Variants in OR8B2 observed in about 807,000 individuals in gnomAD.
OR8B2 encodes olfactory receptor family 8 subfamily B member 2, also known as olfactory receptor 8B2.
For missense variants in OR8B2, 304 were observed against 379.6 expected, an observed-to-expected ratio of 0.80 and a Z score of 1.65; for synonymous variants, 98 against 138.2, an observed-to-expected ratio of 0.71 and a Z score of 2.04.
upstream of OR8B2, among the ~76,000 whole-genome samples, chr11:124,385,601 ATTCT>A (rs1390210681): frequency 6.8e-6 from 1 of 146,940 alleles, no homozygotes; most frequent in African/African-American, 2.5e-5. Flanking sequence ...AGGATACAGA[ATTCT>A]TTCTTTTTTT....
chr11:124,385,496 G>A (rs940246017), upstream of OR8B2, among the ~76,000 whole-genome samples: 1 of 11,846 alleles, frequency 8.4e-5, no homozygotes, highest in Middle Eastern at 0.083. Context: ...ACATGCGTGT[G>A]TGTGTGTGTG....
At chr11:124,396,553 T>G in the OR8B2 span, 1 of 1,613,672 alleles carries the variant, frequency 6.2e-7, no homozygotes, top group South Asian at 1.1e-5. Context: ...CCCTGCTCCA[T>G]AGATCCAGAA....
At chr11:124,385,035 GAAAAGA>G (rs1353681028), upstream of OR8B2, among the ~76,000 whole-genome samples, 1 of 151,980 alleles carries the variant, frequency 6.6e-6, no homozygotes, top group Non-Finnish European at 1.5e-5. Context: ...TAGGCAAAAA[GAAAAGA>G]AAAAGAATAA....
the OR8B2 span, among the ~76,000 whole-genome samples, chr11:124,391,862 A>C: frequency 6.6e-6 from 1 of 150,782 alleles, no homozygotes; most frequent in East Asian, 1.9e-4. Flanking sequence ...AAAAATCCTC[A>C]ATAAAATACT....
At chr11:124,384,061 T>G (rs1860654730) in intron 1 of OR8B2, among the ~76,000 whole-genome samples, 1 of 152,188 alleles carries the variant, frequency 6.6e-6, no homozygotes, top group African/African-American at 2.4e-5. Flanking sequence ...GTTGTTAAGT[T>G]TGTAAAATTT....
At chr11:124,396,791 A>G in the OR8B2 span, 3 of 1,612,472 alleles carry the variant, frequency 1.9e-6, no homozygotes, top group Non-Finnish European at 2.5e-6. Flanking sequence ...TGGTGCAGGA[A>G]AGCTGGAGGA....
chr11:124,382,519 A>C lies in OR8B2; in HGVS notation c.825T>G (p.Val275=), dbSNP rs147760521. Residue 275 remains valine (V), a synonymous_variant, in exon 2 of 2, where the codon GTT becomes GTG. Coordinates refer to ENST00000641451, the MANE Select transcript of OR8B2 (RefSeq NM_001005468.2). ...GSMEQGKVSS[V]FYTNVVPMLN... is the part of the protein sequence containing the mutation. The stretch of plus-strand genomic sequence containing the variant: ...GCATGGGCACCACATTAGTGTAGAA[A>C]ACAGAAGAAACTTTTCCCTGCTCCA... 13 of 1,613,818 alleles carry C rather than the reference A, an allele frequency of 8.1e-6. No individual in the cohort carries two copies. The African/African-American group carries it at 1.7e-4, about 22-fold the overall frequency.
chr11:124,382,829 T>C lies in OR8B2; in HGVS notation c.515A>G (p.Asn172Ser). The change falls in exon 2 of 2, where the codon AAT (asparagine) becomes AGT (serine). Residue 172 changes from asparagine (N) to serine (S), a missense_variant. Coordinates refer to ENST00000641451, the MANE Select transcript of OR8B2 (RefSeq NM_001005468.2). ...GTCACACAAGTAATGGTTGATGATA[T>C]TAGCACTGCAGAAGGTGAGTCTAAG... Reference protein sequence around the residue: ...CMLRLTFCSANIINHYLCDIL... With the variant: ...CMLRLTFCSASIINHYLCDIL... The C allele has an allele frequency of 6.2e-7, 1 of 1,604,124 alleles. No homozygotes were observed. The highest frequency in any genetic ancestry group is 8.5e-7 in the Non-Finnish European group (1 of 1,172,038).
upstream of OR8B2, among the ~76,000 whole-genome samples, chr11:124,389,041 G>T (rs1406817800): frequency 2.0e-5 from 3 of 151,936 alleles, no homozygotes; most frequent in Non-Finnish European, 2.9e-5. Flanking sequence ...GGACAGGATG[G>T]TCTCAATCTC....
the OR8B2 span, among the ~76,000 whole-genome samples, chr11:124,392,679 C>T: frequency 1.1e-3 from 149 of 134,968 alleles, 1 homozygote; most frequent in African/African-American, 4.1e-3. Context: ...GTGAAAATGG[C>T]CATACTGCCC....
rs2320234 is a variant in OR8B2 at position 124,383,023 on chromosome 11, G to A, written c.321C>T (p.Phe107=). Reference sequence around the variant, plus strand: ...TCAACATGTAACATTCAGAGATGACGAAAAAGAGAAAGAAAAACAGCCGAG... The same window carrying A: ...TCAACATGTAACATTCAGAGATGACAAAAAAGAGAAAGAAAAACAGCCGAG... ...CMTRLFFFLF[F]VISECYMLTS... The change falls in exon 2 of 2, where the codon TTC becomes TTT. Residue 107 remains phenylalanine, a synonymous_variant. Coordinates refer to ENST00000641451, the MANE Select transcript of OR8B2 (RefSeq NM_001005468.2). The A allele has an allele frequency of 3.8e-5, 62 of 1,613,592 alleles. 1 individual carries two copies. Among genetic ancestry groups the A allele is most frequent in the South Asian group, 3.0e-4 (27 of 91,060 alleles).
In OR8B2 at chr11:124,382,748, A is replaced by G; in HGVS notation, c.596T>C (p.Val199Ala). ...GATATTAGTACCCACAACAATGAGAACAACCACCTCGTTGACATAGGTGCT... is the reference window on the plus strand; with the variant it reads ...GATATTAGTACCCACAACAATGAGAGCAACCACCTCGTTGACATAGGTGCT... The part of the protein sequence containing the change: ...CTSTYVNEVV[V>A]LIVVGTNITV... Residue 199 changes from valine to alanine, a missense_variant, in exon 2 of 2, where the codon GTT (valine) becomes GCT (alanine). Physicochemically the swap from Val to Ala is moderately conservative, Grantham distance 64. Transcript: ENST00000641451. 6.2e-7 allele frequency: 1 copy of G among 1,613,836 alleles called. No individual in the cohort carries two copies. The highest frequency in any genetic ancestry group is 8.5e-7 in the Non-Finnish European group (1 of 1,179,828).
the OR8B2 span, among the ~76,000 whole-genome samples, chr11:124,391,289 A>G: frequency 9.3e-5 from 4 of 42,990 alleles, no homozygotes; most frequent in Non-Finnish European, 1.5e-4. Context: ...AAATACAGAC[A>G]AAAAAAAAAC....
chr11:124,394,847 T>C, the OR8B2 span, among the ~76,000 whole-genome samples: 1 of 152,176 alleles, frequency 6.6e-6, no homozygotes, highest in Admixed American at 6.5e-5. Context: ...TAATTGTCGT[T>C]ATTTTTATAT....
upstream of OR8B2, among the ~76,000 whole-genome samples, chr11:124,388,189 A>C (rs552194357): frequency 8.2e-4 from 123 of 150,480 alleles, no homozygotes; most frequent in Non-Finnish European, 1.3e-3. Context: ...TAGATATACA[A>C]TCATGTCATC....
At chr11:124,389,234 C>G (rs1469711797), upstream of OR8B2, among the ~76,000 whole-genome samples, 2 of 152,120 alleles carry the variant, frequency 1.3e-5, no homozygotes, top group African/African-American at 4.8e-5. Context: ...TCAATTGTTT[C>G]AAAGTCAAAA....
chr11:124,389,154 C>A (rs1240697752), upstream of OR8B2, among the ~76,000 whole-genome samples: 4 of 152,054 alleles, frequency 2.6e-5, no homozygotes, highest in African/African-American at 4.8e-5. Context: ...TCTCATATCA[C>A]CCTTATGATC....
the OR8B2 span, among the ~76,000 whole-genome samples, chr11:124,393,131 T>G: frequency 2.7e-5 from 4 of 147,002 alleles, no homozygotes; most frequent in Non-Finnish European, 1.5e-5. Context: ...GATTAAAGAC[T>G]TAAACATTAG....
chr11:124,382,552 A>G lies in OR8B2; in HGVS notation c.792T>C (p.Ser264=). The G allele has an allele frequency of 6.2e-7, 1 of 1,613,658 alleles. No homozygotes were observed. The highest frequency in any genetic ancestry group is 8.5e-7 in the Non-Finnish European group (1 of 1,179,780). The change falls in exon 2 of 2, where the codon TCT becomes TCC. Residue 264 remains serine (S), a synonymous_variant. Coordinates refer to ENST00000641451, the MANE Select transcript of OR8B2 (RefSeq NM_001005468.2). ...AAACTTTTCCCTGCTCCATAGATCCAGAAGAATATTTAATATACATGAATG... is the reference window on the plus strand; with the variant it reads ...AAACTTTTCCCTGCTCCATAGATCCGGAAGAATATTTAATATACATGAATG... ...SAAFMYIKYS[S]GSMEQGKVSS... is the part of the protein sequence containing the mutation.
Sources: allele counts gnomAD v4.1 joint callset (sites outside exome capture counted in the v4.1 genomes callset), GRCh38; gene constraint gnomAD v4.1.1; transcripts MANE v1.5; gene names NCBI Gene and HGNC (gene_info 2026-07-23, HGNC 2026-07-21).